Variants in ITGB6 observed in about 807,000 individuals in gnomAD.
The protein encoded by ITGB6 is integrin beta-6.
In ITGB6, 80 loss-of-function variants were observed where a neutral mutation model predicts 84.5. The ratio of observed to expected loss-of-function variants is 0.95; its 90% confidence interval spans 0.79 to 1.14. The LOEUF is 1.14. Among genes scored for constraint, ITGB6 ranks in the 50% most tolerant of loss-of-function variants. The probability of loss-of-function intolerance (pLI) is 0.00; values close to 1 mark genes in which losing one functional copy is unlikely to be tolerated. For synonymous variants in ITGB6, 383 were observed against 354.9 expected, an observed-to-expected ratio of 1.08 and a Z score of -0.89; for missense variants, 1,006 against 968.0, an observed-to-expected ratio of 1.04 and a Z score of -0.52.
intron 14 of ITGB6, among the ~76,000 whole-genome samples, chr2:160,106,377 A>G (rs1333591298): frequency 6.6e-6 from 1 of 152,144 alleles, no homozygotes; most frequent in African/African-American, 2.4e-5. Flanking sequence ...AGCTGGGACT[A>G]CAGGTGTGAA....
intron 4 of ITGB6, among the ~76,000 whole-genome samples, chr2:160,176,989 G>C (rs993645533): frequency 3.3e-5 from 5 of 151,834 alleles, no homozygotes; most frequent in Non-Finnish European, 7.4e-5. Context: ...TAAATTTTTT[G>C]ATTGTGAATT....
intron 7 of ITGB6, among the ~76,000 whole-genome samples, chr2:160,152,340 A>G (rs1667485307): frequency 6.6e-6 from 1 of 152,232 alleles, no homozygotes; most frequent in Non-Finnish European, 1.5e-5. Context: ...AGAATCAATG[A>G]CAAAAACCAC....
chr2:160,116,011 G>A (rs1682748475), intron 12 of ITGB6, among the ~76,000 whole-genome samples: 2 of 146,874 alleles, frequency 1.4e-5, no homozygotes, highest in Admixed American at 1.4e-4. Flanking sequence ...ATGGGACTAT[G>A]TGAAAAGACC....
Position 160,196,211 on chromosome 2 carries a change from C to T in ITGB6, c.346+5G>A, listed in dbSNP as rs773225554. On this transcript the variant is annotated splice_donor_5th_base_variant and intron_variant, in intron 3 of 14. Transcript: ENST00000283249. ...TCTATTTACATGAGCCAAATCCTAACATACCTGGTCTCAACTTAAGGATCA... is the reference window on the plus strand; with the variant it reads ...TCTATTTACATGAGCCAAATCCTAATATACCTGGTCTCAACTTAAGGATCA... The T allele has an allele frequency of 1.2e-6, 2 of 1,613,046 alleles. No individual in the cohort carries two copies. Among genetic ancestry groups the T allele is most frequent in the Non-Finnish European group, 8.5e-7 (1 of 1,179,096 alleles).
chr2:160,186,272 C>CAAA (rs200245831), intron 4 of ITGB6, among the ~76,000 whole-genome samples: 22 of 133,832 alleles, frequency 1.6e-4, no homozygotes, highest in African/African-American at 3.0e-4. Flanking sequence ...AACAAATTTC[C>CAAA]AAAAAAAAAA....
At chr2:160,117,880 C>G (rs1353882063) in intron 12 of ITGB6, among the ~76,000 whole-genome samples, 1 of 152,130 alleles carries the variant, frequency 6.6e-6, no homozygotes. Flanking sequence ...GAGAATACTA[C>G]AAACACCTCT....
rs879121712 is a variant in ITGB6, at chr2:160,199,311, A to G, written c.62-53T>C. On this transcript the variant is annotated intron_variant, in intron 1 of 14. Transcript: ENST00000283249. Reference sequence around the variant, plus strand: ...GATTAAGTACACTTTCAGTCATTCCATTTATGAGACTGATGGCTCTTACAT... The same window carrying G: ...GATTAAGTACACTTTCAGTCATTCCGTTTATGAGACTGATGGCTCTTACAT... 2.2e-6 allele frequency: 3 copies of G among 1,363,068 alleles called. No individual in the cohort carries two copies. The African/African-American group carries it at 4.3e-5, about 19-fold the overall frequency. The allele number at this position is 1,363,068 out of a possible 1,614,324, so 84.4% of individuals were successfully genotyped here.
intron 12 of ITGB6, among the ~76,000 whole-genome samples, chr2:160,112,829 C>T (rs1201539318): frequency 6.6e-6 from 1 of 150,502 alleles, no homozygotes; most frequent in East Asian, 1.9e-4. Context: ...TACCTTAAAT[C>T]TTTTCCAAGT....
chr2:160,192,549 T>A lies in ITGB6; in HGVS notation c.593+2820A>T, dbSNP rs117246498. On this transcript the variant is annotated intron_variant, in intron 4 of 14. Transcript: ENST00000283249. ...GAAAATATAGGAAGAGTCTTTGTGA[T>A]CTTTACAGTAAGCAAAAATTTCTTA... Among the ~76,000 whole-genome samples the A allele has an allele frequency of 4.3e-4, 66 of 152,244 alleles. 1 individual carries two copies. The East Asian group carries it at 0.012, about 27-fold the overall frequency.
At chr2:160,103,079 A>G (rs1696783714) in intron 14 of ITGB6, among the ~76,000 whole-genome samples, 1 of 152,178 alleles carries the variant, frequency 6.6e-6, no homozygotes, top group Admixed American at 6.5e-5. Context: ...CTGAGTATGT[A>G]TGGAATCCAG....
chr2:160,118,130 T>C (rs1682867421), intron 12 of ITGB6, among the ~76,000 whole-genome samples: 2 of 151,956 alleles, frequency 1.3e-5, no homozygotes, highest in African/African-American at 4.8e-5. Context: ...TTCCAATCAA[T>C]AGAAAAAGGG....
intron 6 of ITGB6, among the ~76,000 whole-genome samples, chr2:160,171,241 G>T (rs1685187159): frequency 6.6e-6 from 1 of 151,658 alleles, no homozygotes; most frequent in Non-Finnish European, 1.5e-5. Flanking sequence ...GTTCTAAGAA[G>T]TCACTTAAAT....
At chr2:160,117,520 C>T (rs1682837396) in intron 12 of ITGB6, among the ~76,000 whole-genome samples, 3 of 151,980 alleles carry the variant, frequency 2.0e-5, no homozygotes, top group Admixed American at 6.6e-5. Context: ...AAGCAGTGTG[C>T]AGAGTGAAAT....
chr2:160,199,453 T>C (rs116131775), intron 1 of ITGB6, among the ~76,000 whole-genome samples, 195 bp from the exon 2 acceptor site: 194 of 152,380 alleles, frequency 1.3e-3, no homozygotes, highest in Non-Finnish European at 2.1e-3. Flanking sequence ...TATGTGTATG[T>C]ATATTAAAAA....
chr2:160,148,147 A>AC (rs1477394719), intron 7 of ITGB6, among the ~76,000 whole-genome samples: 3 of 152,200 alleles, frequency 2.0e-5, no homozygotes, highest in Non-Finnish European at 2.9e-5. Flanking sequence ...TGATCCAAAG[A>AC]CCCTAACAGA....
At chr2:160,122,319 T>G (rs1683075445) in intron 12 of ITGB6, among the ~76,000 whole-genome samples, 1 of 152,204 alleles carries the variant, frequency 6.6e-6, no homozygotes, top group South Asian at 2.1e-4. Flanking sequence ...AAAAAACCTG[T>G]GTACTTAAAT....
chr2:160,107,917 G>T, intron 13 of ITGB6, 72 bp from the exon 14 acceptor site: 1 of 1,303,254 alleles, frequency 7.7e-7, no homozygotes. Context: ...ATTTCTTGTT[G>T]GATTTTCATC....
At chr2:160,191,697 A>C (rs1317871887) in intron 4 of ITGB6, among the ~76,000 whole-genome samples, 1 of 152,192 alleles carries the variant, frequency 6.6e-6, no homozygotes, top group African/African-American at 2.4e-5. Context: ...AAGAAAGAAG[A>C]AGCATAGATA....
In ITGB6 at chr2:160,100,637, T is replaced by C. The variant is rs1379461487; in HGVS notation, c.*1099A>G. On this transcript the variant is annotated 3_prime_UTR_variant, in exon 15 of 15. Coordinates refer to ENST00000283249, the MANE Select transcript of ITGB6 (RefSeq NM_000888.5). ...TTCCATCAACTGATGGATCCCTAATTTGCACATGTATTTTGCAAGTAAAAT... is the reference window on the plus strand; with the variant it reads ...TTCCATCAACTGATGGATCCCTAATCTGCACATGTATTTTGCAAGTAAAAT... 6.6e-6 allele frequency: 1 copy of C among 152,182 alleles called. No homozygotes were observed. The highest frequency in any genetic ancestry group is 2.4e-5 in the African/African-American group (1 of 41,452). 9.4% of individuals were successfully genotyped at this position (152,182 alleles called of 1,614,324 possible). A position where few individuals can be genotyped will look rare whatever the true frequency, so the allele number is the denominator to read the frequency against.
Sources: gnomAD v4.1 joint callset for allele counts (sites outside exome capture counted in the v4.1 genomes callset) on GRCh38, gnomAD v4.1.1 for gene constraint, MANE v1.5 for transcripts, NCBI Gene and HGNC (gene_info 2026-07-23, HGNC 2026-07-21) for gene names.